PLD1: variants seen among roughly 807,000 people sequenced by gnomAD.
PLD1 encodes phospholipase D1.
A neutral mutation model predicts 137.1 loss-of-function variants in PLD1; 112 were observed. The ratio of observed to expected loss-of-function variants is 0.82; its 90% CI spans 0.70 to 0.96. PLD1 has a LOEUF of 0.96. Ranked by LOEUF, PLD1 falls within the 40% of genes least tolerant of loss-of-function variation. PLD1 has a pLI of 0.00. For missense variants in PLD1, 1,321 were observed against 1,342.0 expected (o/e 0.98, Z 0.24); for synonymous variants, 431 against 454.7 (o/e 0.95, Z 0.66).
At chr3:171,639,642 A>G (rs1370491507) in intron 23 of PLD1, among the ~76,000 whole-genome samples, 22 of 114,496 alleles carry the variant, frequency 1.9e-4, no homozygotes, top group African/African-American at 7.5e-4. Context: ...TATAATATAT[A>G]TTATATATAA....
At position 171,634,101 on chromosome 3, in the gene PLD1, G is replaced by A. The variant is rs569821942; in HGVS notation, c.2593+8739C>T. Among the ~76,000 whole-genome samples the A allele has an allele frequency of 7.9e-5, 12 of 152,310 alleles. No individual in the cohort carries two copies. In the South Asian group the frequency reaches 2.1e-3, roughly 26 times the overall value. On this transcript the variant is annotated intron_variant, in intron 23 of 26. Transcript: ENST00000351298. ...CTTGTACTTTAGAAACAGGCATTAT[G>A]TAATTAATCTTTGCTCTCTGTCTAG...
intron 1 of PLD1, among the ~76,000 whole-genome samples, chr3:171,785,346 T>A (rs2108345669): frequency 6.6e-6 from 1 of 152,348 alleles, no homozygotes; most frequent in South Asian, 2.1e-4. Context: ...TTAACCTAAT[T>A]TACCAAAATA....
intron 23 of PLD1, among the ~76,000 whole-genome samples, chr3:171,630,931 G>A (rs960489853): frequency 1.3e-5 from 2 of 151,136 alleles, no homozygotes; most frequent in Non-Finnish European, 2.9e-5. Context: ...GAGTTAATGG[G>A]TGCAGCACAC....
intron 11 of PLD1, among the ~76,000 whole-genome samples, chr3:171,700,156 G>C (rs1295500618): frequency 6.6e-6 from 1 of 151,586 alleles, no homozygotes; most frequent in Non-Finnish European, 1.5e-5. Context: ...CCTGCTCTCA[G>C]AGCCTCTCTC....
At chr3:171,685,416 T>A (rs115833084) in intron 16 of PLD1, among the ~76,000 whole-genome samples, 1,551 of 152,282 alleles carry the variant, frequency 0.01, 36 homozygotes, top group African/African-American at 0.036. Context: ...AAGCATAACA[T>A]AGTAATCTTT....
chr3:171,807,584 A>T (rs542311804), intron 1 of PLD1, among the ~76,000 whole-genome samples: 264 of 152,312 alleles, frequency 1.7e-3, no homozygotes, highest in African/African-American at 5.3e-3. Context: ...AAAATTTTTT[A>T]AAAAAACATC....
intron 6 of PLD1, among the ~76,000 whole-genome samples, chr3:171,732,606 T>C (rs1474873069): frequency 6.6e-6 from 1 of 152,256 alleles, no homozygotes; most frequent in Non-Finnish European, 1.5e-5. Flanking sequence ...GTTTATGTGA[T>C]GCCATTCTCT....
intron 1 of PLD1, among the ~76,000 whole-genome samples, chr3:171,764,945 A>AGGAAGGAAGGAAAGAAAGAAAGGAAG (rs377335005): frequency 3.6e-5 from 1 of 27,832 alleles, no homozygotes; most frequent in African/African-American, 1.2e-4. Context: ...AAAGAAAGAA[A>AGGAAGGAAGGAAAGAAAGAAAGGAAG]GAAAGAAAGA....
chr3:171,677,595 T>A lies in PLD1; in HGVS notation c.1967A>T (p.Asp656Val), dbSNP rs755705000. The change falls in exon 17 of 27, where the codon GAC becomes GTC. Residue 656 changes from aspartate (D) to valine (V), a missense_variant. By Grantham distance (152) the Asp-to-Val change is radical. Coordinates refer to ENST00000351298, the MANE Select transcript of PLD1 (RefSeq NM_002662.5). Reference protein sequence around the residue: ...GKDYCNFVFKDWVQLDKPFAD... With the variant: ...GKDYCNFVFKVWVQLDKPFAD... ...AAAAGGTTTATCAAGTTGAACCCAG[T>A]CTTTGAAGACGAAATTGCAGTAGTC... The A allele has an allele frequency of 2.6e-5, 42 of 1,613,946 alleles. No individual in the cohort carries two copies. Among genetic ancestry groups the A allele is most frequent in the Non-Finnish European group, 3.6e-5 (42 of 1,179,952 alleles).
At chr3:171,762,830 C>G (rs1721498587) in intron 1 of PLD1, among the ~76,000 whole-genome samples, 1 of 152,140 alleles carries the variant, frequency 6.6e-6, no homozygotes, top group Non-Finnish European at 1.5e-5. Flanking sequence ...TATTACTAGA[C>G]TTGGGAGGGT....
intron 23 of PLD1, among the ~76,000 whole-genome samples, chr3:171,632,382 C>T (rs186927782): frequency 3.5e-4 from 53 of 152,056 alleles, no homozygotes; most frequent in African/African-American, 1.2e-3. Flanking sequence ...GCCTTTTTTC[C>T]TCTTTTGCTA....
intron 1 of PLD1, among the ~76,000 whole-genome samples, chr3:171,752,752 A>T (rs1264134920): frequency 6.6e-6 from 1 of 152,260 alleles, no homozygotes; most frequent in East Asian, 1.9e-4. Flanking sequence ...ATATGTGTGT[A>T]TGTGTCTTAG....
chr3:171,785,521 C>T (rs1467545526), intron 1 of PLD1, among the ~76,000 whole-genome samples: 1 of 151,200 alleles, frequency 6.6e-6, no homozygotes, highest in African/African-American at 2.4e-5. Context: ...TCATGGCAAT[C>T]TCCGACTCCC....
At chr3:171,603,408 A>G (rs1204394908) in intron 26 of PLD1, 106 bp from the exon 27 acceptor site, 2 of 736,314 alleles carry the variant, frequency 2.7e-6, no homozygotes, top group African/African-American at 1.8e-5. Context: ...TGTATGAAAC[A>G]TATTATTAGT....
At chr3:171,667,070 T>C (rs1712226558) in intron 19 of PLD1, among the ~76,000 whole-genome samples, 1 of 152,234 alleles carries the variant, frequency 6.6e-6, no homozygotes, top group Non-Finnish European at 1.5e-5. Flanking sequence ...ATAATGCTTT[T>C]ATTCCCTATA....
At chr3:171,772,516 G>A (rs1282437027) in intron 1 of PLD1, among the ~76,000 whole-genome samples, 1 of 152,066 alleles carries the variant, frequency 6.6e-6, no homozygotes, top group South Asian at 2.1e-4. Context: ...CCACTCCCAG[G>A]TCAGGGCTCA....
chr3:171,639,808 T>C (rs1052533010), intron 23 of PLD1, among the ~76,000 whole-genome samples: 15 of 137,532 alleles, frequency 1.1e-4, no homozygotes, highest in African/African-American at 4.0e-4. Context: ...TGAGAAGTTA[T>C]ATTTACATAA....
chr3:171,730,491 C>T (rs1718852106), intron 6 of PLD1, among the ~76,000 whole-genome samples: 1 of 151,864 alleles, frequency 6.6e-6, no homozygotes, highest in Admixed American at 6.6e-5. Flanking sequence ...AGCACAAACC[C>T]AACCAATGGC....
rs2108512237 is a variant in PLD1, at chr3:171,688,827, T to C, written c.1388A>G (p.His463Arg). ...GTCAATGATGACAAGCTTCTCATGG[T>C]GAGCCCACAAATAGACGGTGGATGA... ...HVSSTVYLWA[H>R]HEKLVIIDQS... Residue 463 changes from histidine (H) to arginine (R), a missense_variant, in exon 14 of 27, where the codon CAC (histidine) becomes CGC (arginine). Coordinates refer to ENST00000351298, the MANE Select transcript of PLD1 (RefSeq NM_002662.5). The C allele has an allele frequency of 6.2e-7, 1 of 1,614,058 alleles. No homozygotes were observed. Among genetic ancestry groups the C allele is most frequent in the Non-Finnish European group, 8.5e-7 (1 of 1,179,978 alleles).
Sources: gnomAD v4.1 joint callset for allele counts (sites outside exome capture counted in the v4.1 genomes callset) on GRCh38, gnomAD v4.1.1 for gene constraint, MANE v1.5 for transcripts, NCBI Gene and HGNC (gene_info 2026-07-23, HGNC 2026-07-21) for gene names.